Variants in KIF20B observed in about 807,000 individuals in gnomAD.
The protein encoded by KIF20B is kinesin family member 20B.
Under a neutral mutation model 232.5 loss-of-function variants are expected in KIF20B, and 188 were observed. That is an observed-to-expected ratio of 0.81 (90% CI 0.72 to 0.91). The LOEUF (loss-of-function observed/expected upper bound fraction) is 0.91. Among genes scored for constraint, KIF20B ranks in the 40% least tolerant of loss-of-function variants. KIF20B has a pLI of 0.00. For missense variants in KIF20B, 2,154 were observed against 2,055.9 expected, an observed-to-expected ratio of 1.05 and a Z score of -0.92; for synonymous variants, 712 against 683.0, an observed-to-expected ratio of 1.04 and a Z score of -0.66.
rs1339702482 is a variant in KIF20B at position 89,732,978 on chromosome 10, A to G, written c.2467A>G (p.Ser823Gly). The change falls in exon 19 of 33, where the codon AGC (serine) becomes GGC (glycine). Residue 823 changes from serine to glycine, a missense_variant. By Grantham distance (56) the Ser-to-Gly change is moderately conservative (BLOSUM62 0). Transcript: ENST00000371728. The stretch of plus-strand genomic sequence containing the variant: ...TGAAACAGTTGAAGTACCTAAGGAC[A>G]GCAAATCTAAAATCTGTTCAGAAAG... ...CNETVEVPKD[S>G]KSKICSERKR... 4.3e-6 allele frequency: 7 copies of G among 1,613,190 alleles called. No individual in the cohort carries two copies. Among genetic ancestry groups the G allele is most frequent in the South Asian group, 1.1e-5 (1 of 91,052 alleles).
At chr10:89,752,122 G>A (rs1405557428) in intron 24 of KIF20B, among the ~76,000 whole-genome samples, 3 of 151,866 alleles carry the variant, frequency 2.0e-5, no homozygotes, top group Non-Finnish European at 4.4e-5. Flanking sequence ...TTCTTATCAA[G>A]ATCAGATGAG....
At chr10:89,735,732 G>A (rs192797596) in intron 19 of KIF20B, among the ~76,000 whole-genome samples, 31 of 151,910 alleles carry the variant, frequency 2.0e-4, no homozygotes, top group African/African-American at 7.5e-4. Context: ...TAGAGACAGG[G>A]TTTCACCATG....
At chr10:89,743,040 C>A (rs995288040) in intron 21 of KIF20B, among the ~76,000 whole-genome samples, 2 of 152,040 alleles carry the variant, frequency 1.3e-5, no homozygotes, top group Non-Finnish European at 2.9e-5. Flanking sequence ...CATTTAATTT[C>A]CTTCCGTTTT....
chr10:89,765,199 T>G (rs1044864372), intron 29 of KIF20B, among the ~76,000 whole-genome samples: 2 of 152,128 alleles, frequency 1.3e-5, no homozygotes, highest in African/African-American at 4.8e-5. Flanking sequence ...GATCAGATAG[T>G]TGTAGATATG....
At chr10:89,763,630 A>G (rs1842290528) in intron 29 of KIF20B, among the ~76,000 whole-genome samples, 1 of 152,068 alleles carries the variant, frequency 6.6e-6, no homozygotes, top group Admixed American at 6.6e-5. Context: ...GTGGTAGGCT[A>G]AAAGCTATTA....
At chr10:89,764,068 C>T (rs1173129053) in intron 29 of KIF20B, among the ~76,000 whole-genome samples, 5 of 122,944 alleles carry the variant, frequency 4.1e-5, no homozygotes, top group South Asian at 6.2e-4. Flanking sequence ...CACAACAGTC[C>T]CCAGAGTGTG....
intron 30 of KIF20B, 61 bp from the exon 31 acceptor site, chr10:89,768,677 C>A: frequency 6.9e-7 from 1 of 1,440,070 alleles, no homozygotes; most frequent in Non-Finnish European, 9.4e-7. Context: ...TCAGCTGTGG[C>A]CATAACTATT....
chr10:89,771,158 G>C (rs1779547637), intron 31 of KIF20B, among the ~76,000 whole-genome samples: 1 of 151,922 alleles, frequency 6.6e-6, no homozygotes, highest in South Asian at 2.1e-4. Context: ...AACGTTATTA[G>C]GGAGACACCT....
chr10:89,728,860 T>C (rs1843248970), intron 17 of KIF20B, among the ~76,000 whole-genome samples: 1 of 151,892 alleles, frequency 6.6e-6, no homozygotes. Context: ...GCCCAGGCAG[T>C]CTGGCTCCAA....
chr10:89,722,857 C>T (rs1843096652), intron 13 of KIF20B, among the ~76,000 whole-genome samples: 1 of 151,904 alleles, frequency 6.6e-6, no homozygotes, highest in African/African-American at 2.4e-5. Context: ...TCAAATCTAC[C>T]ATGAATGTTA....
In KIF20B at chr10:89,774,048, A is replaced by T. The variant is rs1446026362; in HGVS notation, c.5463A>T (p.Ter1821TyrextTer7). The stretch of plus-strand genomic sequence containing the variant: ...GACTTCGAACAAAAACAGCCAAATA[A>T]ATCACTTATGGAAATGTTTAATATA... ...KRRLRTKTAK[*>Y] Residue 1821 changes from the stop codon to tyrosine, a stop_lost, in exon 33 of 33, where the codon TAA (stop) becomes TAT (tyrosine). Coordinates refer to ENST00000371728, the MANE Select transcript of KIF20B (RefSeq NM_001284259.2). 4 of 1,564,188 alleles carry T rather than the reference A, an allele frequency of 2.6e-6. No individual in the cohort carries two copies. In the African/African-American group the frequency reaches 5.4e-5, roughly 21 times the overall value.
intron 1 of KIF20B, among the ~76,000 whole-genome samples, chr10:89,703,914 G>A (rs550789585): frequency 6.6e-6 from 1 of 151,956 alleles, no homozygotes; most frequent in South Asian, 2.1e-4. Context: ...CACCACACCC[G>A]GCTAATTTTT....
chr10:89,733,023 G>T lies in KIF20B; in HGVS notation c.2512G>T (p.Glu838Ter). 6.2e-7 allele frequency: 1 copy of T among 1,613,560 alleles called. No homozygotes were observed. Among genetic ancestry groups the T allele is most frequent in the South Asian group, 1.1e-5 (1 of 91,028 alleles). The change falls in exon 19 of 33, where the codon GAA becomes TAA. Residue 838 changes from glutamate to a stop codon, truncating the protein, a stop_gained. Coordinates refer to ENST00000371728, the MANE Select transcript of KIF20B (RefSeq NM_001284259.2). LOFTEE classifies it high-confidence loss of function. ...CSERKRVNENELQQDEPPAKK... is the reference protein window; with the variant it reads ...CSERKRVNEN ...AGAAAGAAAAAGAGTAAATGAAAAT[G>T]AACTTCAGCAAGATGAACCACCAGC... is the stretch of plus-strand genomic sequence containing the variant.
At chr10:89,751,954 C>G (rs1436833143) in intron 24 of KIF20B, among the ~76,000 whole-genome samples, 1 of 151,850 alleles carries the variant, frequency 6.6e-6, no homozygotes, top group Non-Finnish European at 1.5e-5. Context: ...AAGAAATTGT[C>G]TAGCCATTTT....
chr10:89,746,450 G>T (rs546037513), intron 23 of KIF20B, among the ~76,000 whole-genome samples: 4 of 152,184 alleles, frequency 2.6e-5, no homozygotes, highest in African/African-American at 7.2e-5. Context: ...ACCAAATTCC[G>T]TGTCATCTCA....
At chr10:89,767,340 C>T (rs7907652) in intron 29 of KIF20B, among the ~76,000 whole-genome samples, 1,688 of 149,534 alleles carry the variant, frequency 0.011, 35 homozygotes, top group African/African-American at 0.038. Context: ...TAGCCCCCCA[C>T]CCCCCGACAG....
rs1564659501 is a variant in KIF20B at position 89,717,438 on chromosome 10, CTG to C, written c.1069_1070del (p.Val357Ter). The C allele has an allele frequency of 6.3e-7, 1 of 1,584,672 alleles. No individual in the cohort carries two copies. Among genetic ancestry groups the C allele is most frequent in the East Asian group, 2.3e-5 (1 of 44,430 alleles). ...TTGTATTTCAGTCACAGCATATTCA[CTG>C]TTAAAATATTACAGATTGAAGATTC... On this transcript the variant is annotated frameshift_variant, in exon 10 of 33. Transcript: ENST00000371728. LOFTEE classifies it high-confidence loss of function.
intron 17 of KIF20B, among the ~76,000 whole-genome samples, chr10:89,728,168 T>G (rs1165794450): frequency 6.6e-6 from 1 of 152,170 alleles, no homozygotes; most frequent in Admixed American, 6.5e-5. Context: ...ATATCCAGTA[T>G]TTAAAGAACA....
intron 17 of KIF20B, 111 bp downstream of exon 17, chr10:89,728,007 C>T (rs765446753): frequency 2.5e-5 from 23 of 929,338 alleles, no homozygotes; most frequent in Non-Finnish European, 3.5e-5. Context: ...AATATAGTCT[C>T]TTGGTATGCA....
Sources: gnomAD v4.1 joint callset for allele counts (sites outside exome capture counted in the v4.1 genomes callset) on GRCh38, gnomAD v4.1.1 for gene constraint, MANE v1.5 for transcripts, NCBI Gene and HGNC (gene_info 2026-07-23, HGNC 2026-07-21) for gene names.